GABRB1: variants seen among roughly 807,000 people sequenced by gnomAD.
The protein encoded by GABRB1 is gamma-aminobutyric acid type A receptor subunit beta1, also known as gamma-aminobutyric acid receptor subunit beta-1.
A neutral mutation model predicts 51.6 loss-of-function variants in GABRB1; 17 were observed. The observed-to-expected ratio is 0.33, with a 90% CI of 0.23 to 0.49. The LOEUF is 0.49. Among genes scored for constraint, GABRB1 ranks in the 20% least tolerant of loss-of-function variants. The pLI is 0.99. For synonymous variants in GABRB1, 247 were observed against 218.9 expected, an observed-to-expected ratio of 1.13 and a Z score of -1.14; for missense variants, 410 against 600.6, an observed-to-expected ratio of 0.68 and a Z score of 3.32.
chr4:47,259,339 T>C (rs1578042242), intron 4 of GABRB1, among the ~76,000 whole-genome samples: 1 of 151,994 alleles, frequency 6.6e-6, no homozygotes, highest in Non-Finnish European at 1.5e-5. Flanking sequence ...GAAAAGAAAA[T>C]AAAAAATAAT....
At chr4:46,993,731 G>T in exon 1 of GABRB1, 1 of 295,262 alleles carries the variant, frequency 3.4e-6, no homozygotes, top group Non-Finnish European at 6.5e-6. Context: ...CCGCGCGCTT[G>T]CGCTGCAAGA....
chr4:47,067,793 G>A (rs775446024), intron 3 of GABRB1, among the ~76,000 whole-genome samples: 3 of 151,884 alleles, frequency 2.0e-5, no homozygotes, highest in Non-Finnish European at 4.4e-5. Context: ...TGTTACATAG[G>A]TAAATGGTTT....
At chr4:47,220,864 C>T (rs570107899) in intron 4 of GABRB1, among the ~76,000 whole-genome samples, 1 of 152,114 alleles carries the variant, frequency 6.6e-6, no homozygotes, top group South Asian at 2.1e-4. Context: ...TTGAATCTAA[C>T]AGACTGTTGT....
At chr4:47,078,965 C>T (rs925992047) in intron 3 of GABRB1, among the ~76,000 whole-genome samples, 1 of 152,218 alleles carries the variant, frequency 6.6e-6, no homozygotes, top group Non-Finnish European at 1.5e-5. Context: ...ATGAAGCCCA[C>T]TTGATCATGG....
At chr4:47,226,713 C>G (rs189831363) in intron 4 of GABRB1, among the ~76,000 whole-genome samples, 10 of 152,152 alleles carry the variant, frequency 6.6e-5, no homozygotes, top group Admixed American at 5.9e-4. Flanking sequence ...CTATAAATAT[C>G]TCAATAAATA....
chr4:47,049,757 A>C (rs1726261324), intron 3 of GABRB1, among the ~76,000 whole-genome samples: 1 of 152,230 alleles, frequency 6.6e-6, no homozygotes, highest in Non-Finnish European at 1.5e-5. Flanking sequence ...AAAAGGGTTT[A>C]CTGCAGATGA....
chr4:47,032,072 T>TAAAAAAAAAA, intron 2 of GABRB1, 67 bp downstream of exon 2: 3 of 713,204 alleles, frequency 4.2e-6, no homozygotes, highest in East Asian at 7.2e-5. Context: ...AAGATAAATG[T>TAAAAAAAAAA]CAAAAAAAAA....
intron 1 of GABRB1, among the ~76,000 whole-genome samples, chr4:47,024,324 T>G (rs1201489914): frequency 1.3e-5 from 2 of 152,018 alleles, no homozygotes; most frequent in African/African-American, 4.8e-5. Flanking sequence ...GCCCATATTT[T>G]TATGTGAGGG....
At chr4:47,392,148 G>A (rs1728020555) in intron 5 of GABRB1, among the ~76,000 whole-genome samples, 1 of 151,868 alleles carries the variant, frequency 6.6e-6, no homozygotes. Flanking sequence ...GATGTCAGAG[G>A]CTGCTAACAT....
At chr4:47,017,929 TTTCTC>T (rs1466087406) in intron 1 of GABRB1, among the ~76,000 whole-genome samples, 2 of 152,204 alleles carry the variant, frequency 1.3e-5, no homozygotes, top group African/African-American at 2.4e-5. Flanking sequence ...ATTATTGACT[TTTCTC>T]TTTCAAAATA....
chr4:47,051,613 G>C (rs1261896997), intron 3 of GABRB1, among the ~76,000 whole-genome samples: 1 of 152,050 alleles, frequency 6.6e-6, no homozygotes, highest in African/African-American at 2.4e-5. Flanking sequence ...TCCACATCTG[G>C]GTCAGCATTG....
intron 5 of GABRB1, among the ~76,000 whole-genome samples, chr4:47,361,595 T>A (rs1195951710): frequency 6.6e-6 from 1 of 151,892 alleles, no homozygotes; most frequent in Non-Finnish European, 1.5e-5. Flanking sequence ...AAGTACAGAG[T>A]GGAAGTGACT....
chr4:47,235,671 T>C (rs373686945), intron 4 of GABRB1, among the ~76,000 whole-genome samples: 1 of 152,106 alleles, frequency 6.6e-6, no homozygotes, highest in African/African-American at 2.4e-5. Context: ...GAGAACTTTC[T>C]CCTTTTATAA....
chr4:47,403,391 C>G lies in GABRB1; in HGVS notation c.618C>G (p.Ile206Met). Residue 206 changes from isoleucine (I) to methionine (M), a missense_variant, in exon 6 of 9, where the codon ATC becomes ATG. By Grantham distance (10) the Ile-to-Met change is conservative. Transcript: ENST00000295454. The stretch of plus-strand genomic sequence containing the variant: ...GGGCAGTCACTGGTGTTAATAAAAT[C>G]GAACTTCCTCAATTTTCAATTGTTG... ...GEGAVTGVNKIELPQFSIVDY... is the reference protein window; with the variant it reads ...GEGAVTGVNKMELPQFSIVDY... 1.9e-6 allele frequency: 3 copies of G among 1,613,900 alleles called. No individual in the cohort carries two copies. Among genetic ancestry groups the G allele is most frequent in the Non-Finnish European group, 2.5e-6 (3 of 1,179,850 alleles).
chr4:47,421,745 T>G (rs1462652998), intron 8 of GABRB1, among the ~76,000 whole-genome samples: 1 of 152,138 alleles, frequency 6.6e-6, no homozygotes, highest in Non-Finnish European at 1.5e-5. Flanking sequence ...GATTTCTCAC[T>G]TTGATGAATC....
intron 4 of GABRB1, among the ~76,000 whole-genome samples, chr4:47,168,840 G>C (rs2109750716): frequency 6.6e-6 from 1 of 152,210 alleles, no homozygotes; most frequent in East Asian, 1.9e-4. Flanking sequence ...TGGCAGAATT[G>C]GTTCATTTTG....
At chr4:47,070,016 C>T (rs1210166994) in intron 3 of GABRB1, among the ~76,000 whole-genome samples, 1 of 151,296 alleles carries the variant, frequency 6.6e-6, no homozygotes, top group Non-Finnish European at 1.5e-5. Context: ...CCTTCTTTTT[C>T]GTTGTTGCTG....
At chr4:46,996,635 A>T (rs1196706422) in intron 1 of GABRB1, among the ~76,000 whole-genome samples, 1 of 152,176 alleles carries the variant, frequency 6.6e-6, no homozygotes, top group Admixed American at 6.5e-5. Flanking sequence ...ACATTTGACC[A>T]AACAGGCGAA....
upstream of GABRB1, among the ~76,000 whole-genome samples, chr4:47,030,039 A>C (rs1010459715): frequency 6.6e-6 from 1 of 150,826 alleles, no homozygotes; most frequent in Non-Finnish European, 1.5e-5. Flanking sequence ...TGAATTTTGG[A>C]ATTAGTTTAT....
Sources: gnomAD v4.1 joint callset for allele counts (sites outside exome capture counted in the v4.1 genomes callset) on GRCh38, gnomAD v4.1.1 for gene constraint, MANE v1.5 for transcripts, NCBI Gene and HGNC (gene_info 2026-07-23, HGNC 2026-07-21) for gene names.